The following ACTR6 variants were observed in gnomAD, a reference collection of about 807,000 sequenced individuals.
ACTR6 encodes actin related protein 6.
Under a neutral mutation model 52.5 loss-of-function variants are expected in ACTR6, and 50 were observed. The ratio of observed to expected loss-of-function variants is 0.95; its 90% CI spans 0.76 to 1.20. ACTR6 has a LOEUF of 1.20. ACTR6 is among the 50% of genes most tolerant of loss of function. The pLI is 0.00. For synonymous variants in ACTR6, 135 were observed against 147.2 expected, an observed-to-expected ratio of 0.92 and a Z score of 0.60; for missense variants, 344 against 472.4, an observed-to-expected ratio of 0.73 and a Z score of 2.52.
intron 1 of ACTR6, 116 bp from the exon 2 acceptor site, chr12:100,204,824 C>A (rs574061738): frequency 9.0e-6 from 6 of 665,508 alleles, no homozygotes; most frequent in Non-Finnish European, 1.6e-5. Flanking sequence ...ATGAGAAACA[C>A]TGGATATACC....
chr12:100,215,453 CT>C (rs1242580696), intron 8 of ACTR6, among the ~76,000 whole-genome samples: 8 of 152,284 alleles, frequency 5.3e-5, no homozygotes, highest in African/African-American at 1.9e-4. Context: ...CTTTACTCAT[CT>C]TTAGAAAAGG....
At chr12:100,215,041 G>A (rs1314588507) in intron 8 of ACTR6, among the ~76,000 whole-genome samples, 1 of 152,104 alleles carries the variant, frequency 6.6e-6, no homozygotes, top group Non-Finnish European at 1.5e-5. Flanking sequence ...TACTCTATAG[G>A]GTTAATAGGG....
intron 10 of ACTR6, among the ~76,000 whole-genome samples, chr12:100,221,277 T>C (rs982030720): frequency 2.6e-5 from 4 of 152,204 alleles, no homozygotes; most frequent in Non-Finnish European, 5.9e-5. Context: ...ACCTGACTCT[T>C]AATTCTAGAG....
At chr12:100,205,975 A>G (rs17030039) in intron 3 of ACTR6, among the ~76,000 whole-genome samples, 2,531 of 152,318 alleles carry the variant, frequency 0.017, 67 homozygotes, top group African/African-American at 0.058. Flanking sequence ...TCAATTCACT[A>G]TATCATCTTA....
chr12:100,206,620 C>T (rs1451391361), intron 3 of ACTR6, among the ~76,000 whole-genome samples: 2 of 151,852 alleles, frequency 1.3e-5, no homozygotes, highest in African/African-American at 2.4e-5. Flanking sequence ...TGAGCTACCG[C>T]ACCAGCCCCA....
intron 1 of ACTR6, among the ~76,000 whole-genome samples, chr12:100,202,167 G>C (rs1206858257): frequency 6.6e-6 from 1 of 152,100 alleles, no homozygotes; most frequent in African/African-American, 2.4e-5. Context: ...TCCTGACCTC[G>C]TGATCTGCCT....
chr12:100,211,771 T>G (rs1444646199), intron 6 of ACTR6, among the ~76,000 whole-genome samples: 3 of 152,142 alleles, frequency 2.0e-5, no homozygotes, highest in Non-Finnish European at 4.4e-5. Context: ...CCCAGCACTT[T>G]GGGAGGTGGA....
chr12:100,203,127 A>G lies in ACTR6; in HGVS notation c.69-1813A>G, dbSNP rs1391158666. 4.6e-5 allele frequency among the ~76,000 whole-genome samples: 7 copies of G among 152,044 alleles called. No homozygotes were observed. The East Asian group carries it at 1.4e-3, about 29-fold the overall frequency. ...TATGGCTGATCTGACAGGAAGTGCA[A>G]TTTAGGTGTTAATGCTTACGGCCCC... is the stretch of plus-strand genomic sequence containing the variant. On this transcript the variant is annotated intron_variant, in intron 1 of 10. Coordinates refer to ENST00000188312, the MANE Select transcript of ACTR6 (RefSeq NM_022496.5).
chr12:100,208,627 C>T (rs1226181119), intron 4 of ACTR6: 1 of 441,572 alleles, frequency 2.3e-6, no homozygotes, highest in African/African-American at 2.0e-5. Flanking sequence ...AGACATCTCT[C>T]ATTTTATCTT....
chr12:100,212,315 A>C lies in ACTR6; in HGVS notation c.632A>C (p.Tyr211Ser). 1 of 1,612,714 alleles carries C rather than the reference A, an allele frequency of 6.2e-7. No individual in the cohort carries two copies. The highest frequency in any genetic ancestry group is 2.2e-5 in the East Asian group (1 of 44,812). Residue 211 changes from tyrosine (Y) to serine (S), a missense_variant, in exon 7 of 11, where the codon TAT (tyrosine) becomes TCT (serine). Physicochemically the swap from Tyr to Ser is moderately radical, Grantham distance 144 (BLOSUM62 -2). Transcript: ENST00000188312. ...AATCAAGTGAAAGAAGATGTATGCT[A>C]TGTGTCTCAGGATTTTTATAGAGAC... ...VINQVKEDVC[Y>S]VSQDFYRDMD...
intron 8 of ACTR6, among the ~76,000 whole-genome samples, chr12:100,215,643 A>G (rs933204163): frequency 5.9e-5 from 9 of 152,240 alleles, no homozygotes; most frequent in Non-Finnish European, 1.3e-4. Flanking sequence ...CAGATGATAC[A>G]GTGTTACCGC....
At chr12:100,216,198 C>A (rs1348093240) in intron 8 of ACTR6, among the ~76,000 whole-genome samples, 1 of 152,230 alleles carries the variant, frequency 6.6e-6, no homozygotes, top group Non-Finnish European at 1.5e-5. Context: ...TTCTATAGCC[C>A]AGGCTGGAGC....
At chr12:100,215,998 T>C (rs1401989401) in intron 8 of ACTR6, among the ~76,000 whole-genome samples, 1 of 152,186 alleles carries the variant, frequency 6.6e-6, no homozygotes, top group Non-Finnish European at 1.5e-5. Context: ...TAACAACCAA[T>C]AGAAATTCCA....
intron 5 of ACTR6, 21 bp downstream of exon 5, chr12:100,210,229 A>G (rs2096118726): frequency 6.2e-7 from 1 of 1,602,818 alleles, no homozygotes; most frequent in Non-Finnish European, 8.5e-7. Flanking sequence ...TTTAATTTTC[A>G]TGTTGTTTCT....
intron 8 of ACTR6, among the ~76,000 whole-genome samples, chr12:100,214,465 G>T (rs1199818018): frequency 1.3e-5 from 2 of 151,512 alleles, no homozygotes; most frequent in Non-Finnish European, 2.9e-5. Flanking sequence ...GCTGTGTGTG[G>T]TGGCACACAC....
intron 6 of ACTR6, among the ~76,000 whole-genome samples, chr12:100,210,575 C>T (rs896064638): frequency 1.1e-4 from 17 of 151,858 alleles, no homozygotes; most frequent in Non-Finnish European, 2.1e-4. Flanking sequence ...AAAAATTAGC[C>T]AGGTGTGGTG....
chr12:100,215,109 G>A (rs2096123001), intron 8 of ACTR6, among the ~76,000 whole-genome samples: 1 of 152,170 alleles, frequency 6.6e-6, no homozygotes, highest in Admixed American at 6.5e-5. Flanking sequence ...GTGATTTCCA[G>A]TCTCCTCAAA....
At position 100,212,472 on chromosome 12, in the gene ACTR6, G is replaced by A. The variant is rs1415410192; in HGVS notation, c.694G>A (p.Val232Ile). The A allele has an allele frequency of 6.2e-7, 1 of 1,613,796 alleles. No homozygotes were observed. Among genetic ancestry groups the A allele is most frequent in the East Asian group, 2.2e-5 (1 of 44,858 alleles). Residue 232 changes from valine (V) to isoleucine (I), a missense_variant, in exon 8 of 11, where the codon GTA becomes ATA. Val to Ile is a conservative substitution (Grantham distance 29). Coordinates refer to ENST00000188312, the MANE Select transcript of ACTR6 (RefSeq NM_022496.5). Reference protein sequence around the residue: ...IAKLKGEENTVMIDYVLPDFS... With the variant: ...IAKLKGEENTIMIDYVLPDFS... ...CAGGTTGAAAGGAGAAGAAAATACA[G>A]TAATGATAGACTATGTCTTGCCTGA...
rs1405137140 is a variant in ACTR6 at position 100,210,084 on chromosome 12, A to G, written c.391A>G (p.Ser131Gly). 6.3e-7 allele frequency: 1 copy of G among 1,588,274 alleles called. No homozygotes were observed. The highest frequency in any genetic ancestry group is 8.5e-7 in the Non-Finnish European group (1 of 1,172,888). The change falls in exon 5 of 11, where the codon AGT (serine) becomes GGT (glycine). Residue 131 changes from serine (S) to glycine (G), a missense_variant. Transcript: ENST00000188312. The stretch of plus-strand genomic sequence containing the variant: ...CTTTTTTTAAATAGCTGGGGCTCTC[A>G]GTGCACATAGGTATTTCCGAGATAA... Reference protein sequence around the residue: ...AVLRVNAGALSAHRYFRDNPS... With the variant: ...AVLRVNAGALGAHRYFRDNPS...
Sources: gnomAD v4.1 joint callset for allele counts (sites outside exome capture counted in the v4.1 genomes callset) on GRCh38, gnomAD v4.1.1 for gene constraint, MANE v1.5 for transcripts, NCBI Gene and HGNC (gene_info 2026-07-23, HGNC 2026-07-21) for gene names.